CPLX1: variants seen among roughly 807,000 people sequenced by gnomAD.
The protein encoded by CPLX1 is complexin-1.
A neutral mutation model predicts 15.6 loss-of-function variants in CPLX1; 6 were observed. The ratio of observed to expected loss-of-function variants is 0.39; its 90% CI spans 0.21 to 0.76. The LOEUF (loss-of-function observed/expected upper bound fraction) is 0.76. Among genes scored for constraint, CPLX1 ranks in the 30% least tolerant of loss-of-function variants. The pLI is 0.43. For missense variants in CPLX1, 242 were observed against 188.6 expected, an observed-to-expected ratio of 1.28 and a Z score of -1.66; for synonymous variants, 91 against 75.2, an observed-to-expected ratio of 1.21 and a Z score of -1.08.
At chr4:823,294 C>G (rs920580117) in intron 2 of CPLX1, among the ~76,000 whole-genome samples, 2 of 152,178 alleles carry the variant, frequency 1.3e-5, no homozygotes, top group Non-Finnish European at 2.9e-5. Flanking sequence ...AGGGATGTGG[C>G]CCCAGGACAG....
chr4:803,414 G>A (rs543406104), intron 2 of CPLX1, among the ~76,000 whole-genome samples: 3 of 151,734 alleles, frequency 2.0e-5, no homozygotes, highest in African/African-American at 7.2e-5. Flanking sequence ...TTTTTGAGAC[G>A]GAATCTCGCT....
At chr4:824,448 C>T (rs747602126) in intron 2 of CPLX1, 44 bp downstream of exon 2, 1 of 1,566,486 alleles carries the variant, frequency 6.4e-7, no homozygotes, top group South Asian at 1.1e-5. Flanking sequence ...GGTGGTCTCT[C>T]CATGTCCCCT....
At chr4:824,012 C>T (rs1746923742) in intron 2 of CPLX1, among the ~76,000 whole-genome samples, 1 of 152,264 alleles carries the variant, frequency 6.6e-6, no homozygotes, top group South Asian at 2.1e-4. Flanking sequence ...CCACAGGGTC[C>T]TCGCCAGATG....
chr4:820,536 C>CT (rs1746841579), intron 2 of CPLX1, among the ~76,000 whole-genome samples: 2 of 152,256 alleles, frequency 1.3e-5, no homozygotes, highest in South Asian at 4.1e-4. Context: ...CCTCCATGGC[C>CT]CTGCCTGAGG....
At chr4:822,119 G>A (rs973707143) in intron 2 of CPLX1, among the ~76,000 whole-genome samples, 1 of 146,134 alleles carries the variant, frequency 6.8e-6, no homozygotes. Flanking sequence ...CTCTGTCTCT[G>A]TCTCTCCCTC....
At chr4:792,839 C>A in intron 2 of CPLX1, 1 of 526,802 alleles carries the variant, frequency 1.9e-6, no homozygotes, top group Non-Finnish European at 3.3e-6. Context: ...GCTTTCTGTT[C>A]CTCAAGAGAC....
intron 2 of CPLX1, among the ~76,000 whole-genome samples, chr4:810,382 G>T (rs187015073): frequency 6.6e-6 from 1 of 152,178 alleles, no homozygotes. Flanking sequence ...TTGGGTCAAC[G>T]TCTAGGAGCA....
intron 2 of CPLX1, among the ~76,000 whole-genome samples, chr4:820,735 TCAC>T (rs1416306837): frequency 1.9e-5 from 2 of 105,486 alleles, no homozygotes; most frequent in Non-Finnish European, 4.4e-5. Context: ...ACTGCACCCC[TCAC>T]CAGCCTCACG....
chr4:787,585 AG>A, intron 3 of CPLX1: 1 of 767,772 alleles, frequency 1.3e-6, no homozygotes, highest in Non-Finnish European at 1.6e-6. Context: ...ACGAAAGCGG[AG>A]GAGGTCGCGA....
chr4:825,301 G>C (rs2152649396), intron 1 of CPLX1, among the ~76,000 whole-genome samples: 1 of 152,304 alleles, frequency 6.6e-6, no homozygotes, highest in East Asian at 1.9e-4. Context: ...CCGGTTTTGC[G>C]GGGTCTCTCC....
At chr4:792,641 A>G (rs768036153) in intron 2 of CPLX1, 33 bp from the exon 3 acceptor site, 48 of 1,589,692 alleles carry the variant, frequency 3.0e-5, no homozygotes, top group Non-Finnish European at 4.1e-5. Context: ...AGACCGCCCC[A>G]TTCAGATGTC....
Position 792,454 on chromosome 4 carries a change from C to G in CPLX1, c.186G>C (p.Val62=). 6.2e-7 allele frequency: 1 copy of G among 1,602,094 alleles called. No individual in the cohort carries two copies. Among genetic ancestry groups the G allele is most frequent in the Admixed American group, 1.7e-5 (1 of 59,134 alleles). ...GCACCTTGTCTCGGATGCCCTGGCGCACGGCCTCGCGCTCCGCCTCCATCT... is the reference window on the plus strand; with the variant it reads ...GCACCTTGTCTCGGATGCCCTGGCGGACGGCCTCGCGCTCCGCCTCCATCT... ...YAKMEAEREA[V]RQGIRDKYGI... The change falls in exon 3 of 4, where the codon GTG becomes GTC. Residue 62 remains valine (V), a synonymous_variant. Transcript: ENST00000304062.
At chr4:822,976 G>A (rs1184176725) in intron 2 of CPLX1, among the ~76,000 whole-genome samples, 4 of 152,326 alleles carry the variant, frequency 2.6e-5, no homozygotes, top group East Asian at 3.9e-4. Flanking sequence ...CACGCTGAGC[G>A]ACGCCTGCCC....
intron 3 of CPLX1, chr4:788,285 C>T (rs1051777524): frequency 3.0e-6 from 3 of 985,220 alleles, no homozygotes; most frequent in Non-Finnish European, 3.6e-6. Flanking sequence ...CCCAACCCCA[C>T]CGAGGGCAGT....
At chr4:794,329 C>G (rs1056366509) in intron 2 of CPLX1, among the ~76,000 whole-genome samples, 1 of 152,220 alleles carries the variant, frequency 6.6e-6, no homozygotes, top group African/African-American at 2.4e-5. Flanking sequence ...GTGGGGAGAA[C>G]GAGCCCCTCT....
intron 2 of CPLX1, among the ~76,000 whole-genome samples, chr4:806,996 A>C (rs992113267): frequency 2.0e-5 from 3 of 152,258 alleles, no homozygotes; most frequent in Non-Finnish European, 4.4e-5. Context: ...AAGGAATATA[A>C]ATCATTCTAT....
chr4:797,594 G>A (rs567716107), intron 2 of CPLX1, among the ~76,000 whole-genome samples: 344 of 151,642 alleles, frequency 2.3e-3, no homozygotes, highest in Non-Finnish European at 4.0e-3. Flanking sequence ...CCAAAGTGCT[G>A]GGATTACAAG....
At chr4:787,321 C>T in intron 3 of CPLX1, 1 of 985,430 alleles carries the variant, frequency 1.0e-6, no homozygotes, top group Non-Finnish European at 1.2e-6. Context: ...ATGCCTGGGC[C>T]TCACCGACCC....
intron 2 of CPLX1, chr4:804,955 C>T (rs1462156694): frequency 3.6e-5 from 35 of 985,146 alleles, no homozygotes; most frequent in Non-Finnish European, 3.9e-5. Context: ...CACCCGGCGT[C>T]CCACTCCTGC....
Sources: gnomAD v4.1 joint callset for allele counts (sites outside exome capture counted in the v4.1 genomes callset) on GRCh38, gnomAD v4.1.1 for gene constraint, MANE v1.5 for transcripts, NCBI Gene and HGNC (gene_info 2026-07-23, HGNC 2026-07-21) for gene names.